UXS1: variants seen among roughly 807,000 people sequenced by gnomAD.
The protein encoded by UXS1 is UDP-glucuronic acid decarboxylase 1.
UXS1 carries 33 observed loss-of-function variants against 62.6 expected under a neutral mutation model. That is an observed-to-expected ratio of 0.53 (90% confidence interval 0.40 to 0.70). The LOEUF (loss-of-function observed/expected upper bound fraction) is 0.70, where lower values mean the gene tolerates loss of function less well. Ranked by LOEUF, UXS1 falls within the 30% of genes least tolerant of loss-of-function variation. The pLI, the probability that UXS1 is intolerant of heterozygous loss-of-function variation, is 0.00. For missense variants in UXS1, 434 were observed against 556.3 expected, an observed-to-expected ratio of 0.78 and a Z score of 2.21; for synonymous variants, 213 against 206.8, an observed-to-expected ratio of 1.03 and a Z score of -0.26.
chr2:106,121,928 C>G (rs1476730109), intron 9 of UXS1, among the ~76,000 whole-genome samples: 1 of 152,206 alleles, frequency 6.6e-6, no homozygotes, highest in Non-Finnish European at 1.5e-5. Context: ...AAACTCTCAT[C>G]CCAAGGTCAG....
chr2:106,126,072 C>T (rs1399035952), intron 7 of UXS1, among the ~76,000 whole-genome samples: 1 of 152,210 alleles, frequency 6.6e-6, no homozygotes, highest in East Asian at 1.9e-4. Context: ...CAGCTTGCCA[C>T]TTCCTGAACA....
chr2:106,187,573 C>T (rs1021397857), intron 1 of UXS1, among the ~76,000 whole-genome samples: 9 of 152,060 alleles, frequency 5.9e-5, no homozygotes, highest in Admixed American at 6.6e-5. Flanking sequence ...AAAACTAAGA[C>T]ACATAAAACA....
intron 1 of UXS1, among the ~76,000 whole-genome samples, chr2:106,180,424 G>A (rs1684171336): frequency 6.6e-6 from 1 of 152,166 alleles, no homozygotes; most frequent in South Asian, 2.1e-4. Context: ...TACCTTCCCA[G>A]GTTCTCCACC....
At chr2:106,178,887 G>A (rs1321090546) in intron 1 of UXS1, among the ~76,000 whole-genome samples, 8 of 152,134 alleles carry the variant, frequency 5.3e-5, no homozygotes, top group Non-Finnish European at 1.0e-4. Flanking sequence ...TATCACATTC[G>A]TACTTCCTGA....
At position 106,194,262 on chromosome 2, in the gene UXS1, C is replaced by T. The variant is rs1685133036; in HGVS notation, c.-21G>A. 3 of 1,328,970 alleles carry T rather than the reference C, an allele frequency of 2.3e-6. No homozygotes were observed. Among genetic ancestry groups the T allele is most frequent in the Admixed American group, 6.4e-5 (2 of 31,106 alleles). The allele number at this position is 1,328,970 out of a possible 1,614,324, so 82.3% of individuals were successfully genotyped here. On this transcript the variant is annotated 5_prime_UTR_variant, in exon 1 of 15. Coordinates refer to ENST00000283148, the MANE Select transcript of UXS1 (RefSeq NM_001253875.2). Reference sequence around the variant, plus strand: ...ACCATCCCCGGGAGCCGCGCGGGTCCAGGGCCCTACCGCGCGGGGGCCCGC... The same window carrying T: ...ACCATCCCCGGGAGCCGCGCGGGTCTAGGGCCCTACCGCGCGGGGGCCCGC...
chr2:106,121,082 G>A (rs182698574), intron 9 of UXS1, among the ~76,000 whole-genome samples: 1 of 152,158 alleles, frequency 6.6e-6, no homozygotes, highest in African/African-American at 2.4e-5. Context: ...AGGCACAGAT[G>A]ACACGAACGG....
chr2:106,116,076 G>T lies in UXS1; in HGVS notation c.760-3311C>A, dbSNP rs369419396. Among the ~76,000 whole-genome samples the T allele has an allele frequency of 7.2e-4, 109 of 152,298 alleles. 1 individual carries two copies. Among genetic ancestry groups the T allele is most frequent in the African/African-American group, 2.4e-3 (100 of 41,566 alleles). On this transcript the variant is annotated intron_variant, in intron 9 of 14. Coordinates refer to ENST00000283148, the MANE Select transcript of UXS1 (RefSeq NM_001253875.2). ...GAGAGAGGGGTGAGGGCTTGGGTAT[G>T]CAGGTCCTGAGACGTGGAGCCAACT...
In UXS1 at chr2:106,093,969, C is replaced by A; in HGVS notation, c.*57G>T. On this transcript the variant is annotated 3_prime_UTR_variant, in exon 15 of 15. Transcript: ENST00000283148. ...TCTTTAAACGACAACAAAAAAAAGC[C>A]AAAAATACATCCCATCAAGTGTACA... 1 of 1,486,388 alleles carries A rather than the reference C, an allele frequency of 6.7e-7. No homozygotes were observed. The highest frequency in any genetic ancestry group is 8.9e-7 in the Non-Finnish European group (1 of 1,122,612). The allele number at this position is 1,486,388 out of a possible 1,614,324, so 92.1% of individuals were successfully genotyped here.
intron 10 of UXS1, among the ~76,000 whole-genome samples, chr2:106,106,657 G>C (rs1196739361): frequency 2.6e-5 from 4 of 152,158 alleles, no homozygotes; most frequent in African/African-American, 9.7e-5. Flanking sequence ...GGAAGCAGAG[G>C]GGAATTCCTT....
chr2:106,137,410 C>A (rs1274838767), intron 6 of UXS1, among the ~76,000 whole-genome samples: 3 of 152,168 alleles, frequency 2.0e-5, no homozygotes, highest in Non-Finnish European at 4.4e-5. Context: ...AGACCATTAG[C>A]CCCAGAAACA....
intron 1 of UXS1, among the ~76,000 whole-genome samples, chr2:106,171,553 G>C (rs927779445): frequency 1.3e-5 from 2 of 152,172 alleles, no homozygotes; most frequent in African/African-American, 4.8e-5. Context: ...ATAAAAGCCC[G>C]GGATTTTAAG....
chr2:106,117,269 T>G (rs542307377), intron 9 of UXS1, among the ~76,000 whole-genome samples: 2 of 152,366 alleles, frequency 1.3e-5, no homozygotes, highest in South Asian at 4.1e-4. Context: ...TCAATAATTA[T>G]CTTGCTTTTA....
At chr2:106,169,873 C>G (rs1405229785) in intron 1 of UXS1, among the ~76,000 whole-genome samples, 1 of 152,042 alleles carries the variant, frequency 6.6e-6, no homozygotes, top group Non-Finnish European at 1.5e-5. Context: ...GCAGGTGACG[C>G]CCATGCTTCC....
chr2:106,125,147 G>C (rs1417252106), intron 8 of UXS1, among the ~76,000 whole-genome samples: 1 of 152,134 alleles, frequency 6.6e-6, no homozygotes, highest in Non-Finnish European at 1.5e-5. Context: ...GACACTACCT[G>C]CTTAAGGTTC....
chr2:106,181,577 G>T (rs1684247174), intron 1 of UXS1, among the ~76,000 whole-genome samples: 1 of 152,042 alleles, frequency 6.6e-6, no homozygotes, highest in African/African-American at 2.4e-5. Flanking sequence ...AAACTAGCCG[G>T]GCATGGTGGC....
At chr2:106,120,242 A>G (rs1573446215) in intron 9 of UXS1, among the ~76,000 whole-genome samples, 2 of 152,182 alleles carry the variant, frequency 1.3e-5, no homozygotes, top group South Asian at 4.1e-4. Flanking sequence ...GGCCTCCTGG[A>G]GCTCAGGCAA....
At chr2:106,173,450 A>G (rs1198483187) in intron 1 of UXS1, among the ~76,000 whole-genome samples, 2 of 152,288 alleles carry the variant, frequency 1.3e-5, no homozygotes, top group African/African-American at 4.8e-5. Flanking sequence ...GCTACTCAGG[A>G]AGCTGAGGTG....
chr2:106,095,483 T>A (rs967651016), intron 14 of UXS1, among the ~76,000 whole-genome samples: 1 of 152,372 alleles, frequency 6.6e-6, no homozygotes, highest in African/African-American at 2.4e-5. Flanking sequence ...TCTAGGATTC[T>A]ACTCACTCAG....
intron 5 of UXS1, among the ~76,000 whole-genome samples, chr2:106,150,367 C>A (rs1344536045): frequency 1.3e-5 from 2 of 152,178 alleles, no homozygotes; most frequent in Admixed American, 1.3e-4. Context: ...TCCCTTAAGA[C>A]AATGGGAGAA....
Sources: gnomAD v4.1 joint callset for allele counts (sites outside exome capture counted in the v4.1 genomes callset) on GRCh38, gnomAD v4.1.1 for gene constraint, MANE v1.5 for transcripts, NCBI Gene and HGNC (gene_info 2026-07-23, HGNC 2026-07-21) for gene names.